The following KAZN variants were observed in gnomAD, a reference collection of about 807,000 sequenced individuals.
KAZN encodes kazrin.
A neutral mutation model predicts 87.4 loss-of-function variants in KAZN; 40 were observed. The observed-to-expected ratio is 0.46, with a 90% CI of 0.36 to 0.60. KAZN has a LOEUF of 0.60. Ranked by LOEUF, KAZN falls within the 20% of genes least tolerant of loss-of-function variation. The probability of loss-of-function intolerance (pLI) is 0.00; values close to 1 mark genes in which losing one functional copy is unlikely to be tolerated. For synonymous variants in KAZN, 466 were observed against 458.3 expected (o/e 1.02, Z -0.22); for missense variants, 898 against 1,073.9 (o/e 0.84, Z 2.29).
chr1:14,697,796 C>G (rs1164174958), intron 1 of KAZN, among the ~76,000 whole-genome samples: 6 of 152,250 alleles, frequency 3.9e-5, no homozygotes, highest in Non-Finnish European at 5.9e-5. Flanking sequence ...AGGGGCCTAG[C>G]CCCACTGCCC....
chr1:15,053,756 A>G lies in KAZN; in HGVS notation c.727-2335A>G, dbSNP rs12042274. On this transcript the variant is annotated intron_variant, in intron 4 of 14. Coordinates refer to ENST00000376030, the MANE Select transcript of KAZN (RefSeq NM_201628.3). ...GATAATCCCGAACTCCCTACCTGCAACCCAGCACTGTTGCACAGAGCGCGT... is the reference window on the plus strand; with the variant it reads ...GATAATCCCGAACTCCCTACCTGCAGCCCAGCACTGTTGCACAGAGCGCGT... Among the ~76,000 whole-genome samples, 652 of 152,308 alleles carry G rather than the reference A, an allele frequency of 4.3e-3. 3 individuals carry two copies. Among genetic ancestry groups the G allele is most frequent in the South Asian group, 0.042 (204 of 4,816 alleles).
Position 14,562,963 on chromosome 1 carries a change from C to T in KAZN, c.250-36020C>T, listed in dbSNP as rs189115094. Among the ~76,000 whole-genome samples the T allele has an allele frequency of 1.6e-3, 249 of 152,276 alleles. 1 individual carries two copies. The highest frequency in any genetic ancestry group is 2.1e-3 in the Non-Finnish European group (141 of 68,024). ...CTCCGAGGGGATTTGTGGAAGACAGCGTTGTGGATCATTTAAGAGGCCTTA... is the reference window on the plus strand; with the variant it reads ...CTCCGAGGGGATTTGTGGAAGACAGTGTTGTGGATCATTTAAGAGGCCTTA... On this transcript the variant is annotated intron_variant, in intron 2 of 16. Transcript: ENST00000636203.
intron 4 of KAZN, among the ~76,000 whole-genome samples, chr1:15,048,953 G>T (rs74059804): frequency 0.021 from 3,230 of 151,446 alleles, 120 homozygotes; most frequent in African/African-American, 0.076. Flanking sequence ...ACATTGTGCA[G>T]CCACCACTGC....
chr1:14,133,958 G>T (rs1645052066), intron 1 of KAZN, among the ~76,000 whole-genome samples: 1 of 152,156 alleles, frequency 6.6e-6, no homozygotes, highest in Non-Finnish European at 1.5e-5. Context: ...CATCATAGGG[G>T]ACGACACAGT....
chr1:14,369,153 T>G (rs1660262587), intron 2 of KAZN, among the ~76,000 whole-genome samples: 1 of 152,198 alleles, frequency 6.6e-6, no homozygotes, highest in Non-Finnish European at 1.5e-5. Flanking sequence ...GAGACACATT[T>G]CTAAATGCAA....
At chr1:14,094,596 G>A (rs1331498528) in intron 1 of KAZN, among the ~76,000 whole-genome samples, 1 of 152,052 alleles carries the variant, frequency 6.6e-6, no homozygotes, top group Non-Finnish European at 1.5e-5. Context: ...AAAATATATT[G>A]CAAATTTAAA....
At chr1:14,468,627 T>G (rs1411353157) in intron 2 of KAZN, among the ~76,000 whole-genome samples, 1 of 152,176 alleles carries the variant, frequency 6.6e-6, no homozygotes, top group South Asian at 2.1e-4. Context: ...GAAGAACACA[T>G]TTGCCCTGGG....
rs138811922 is a variant in KAZN, at chr1:13,935,252, G to GTAATAATAATAA, written c.91+41503_91+41514dup. Among the ~76,000 whole-genome samples the GTAATAATAATAA allele has an allele frequency of 5.5e-4, 81 of 147,084 alleles. 1 individual carries two copies. Among genetic ancestry groups the GTAATAATAATAA allele is most frequent in the African/African-American group, 1.1e-3 (45 of 40,050 alleles). ...AACTCCGTATCAAATAGTAGTAGTA[G>GTAATAATAATAA]TAATAATAATAATAATAAGCCTTCA... is the stretch of plus-strand genomic sequence containing the variant. On this transcript the variant is annotated intron_variant, in intron 1 of 16. Coordinates refer to the KAZN transcript ENST00000636203.
intron 1 of KAZN, among the ~76,000 whole-genome samples, chr1:14,043,514 G>A (rs575098676): frequency 8.6e-5 from 13 of 152,042 alleles, no homozygotes; most frequent in Middle Eastern, 3.4e-3. Context: ...AGGAACTGTC[G>A]TACTGTTTTC....
intron 1 of KAZN, among the ~76,000 whole-genome samples, chr1:14,905,137 C>A (rs2101311562): frequency 6.6e-6 from 1 of 152,256 alleles, no homozygotes; most frequent in African/African-American, 2.4e-5. Context: ...TGGCTCCCTG[C>A]AACCTCTGCC....
chr1:14,514,621 A>ATTTTTTTATATTT (rs1557770580), intron 2 of KAZN, among the ~76,000 whole-genome samples: 3 of 43,754 alleles, frequency 6.9e-5, no homozygotes, highest in South Asian at 8.8e-4. Context: ...ATATATATAT[A>ATTTTTTTATATTT]TATATATATA....
chr1:14,464,112 A>T (rs545497912), intron 2 of KAZN, among the ~76,000 whole-genome samples: 1 of 152,346 alleles, frequency 6.6e-6, no homozygotes, highest in East Asian at 1.9e-4. Flanking sequence ...GGGATCTTTC[A>T]GAACATTAAT....
At chr1:14,510,535 T>C (rs1450154102) in intron 2 of KAZN, among the ~76,000 whole-genome samples, 1 of 152,228 alleles carries the variant, frequency 6.6e-6, no homozygotes, top group Admixed American at 6.5e-5. Context: ...GTGTATCCTG[T>C]ACTTTTATTT....
At chr1:15,013,470 C>A (rs553827220) in intron 2 of KAZN, among the ~76,000 whole-genome samples, 1 of 151,998 alleles carries the variant, frequency 6.6e-6, no homozygotes, top group African/African-American at 2.4e-5. Flanking sequence ...ATGGTGGAAC[C>A]GGGCCAGGCA....
At chr1:14,372,031 T>C (rs1373160915) in intron 2 of KAZN, among the ~76,000 whole-genome samples, 1 of 152,248 alleles carries the variant, frequency 6.6e-6, no homozygotes, top group Non-Finnish European at 1.5e-5. Context: ...CGTCATCTCA[T>C]TTATGGATCT....
At chr1:14,154,116 G>A (rs1183095033) in intron 1 of KAZN, among the ~76,000 whole-genome samples, 2 of 152,094 alleles carry the variant, frequency 1.3e-5, no homozygotes, top group Non-Finnish European at 2.9e-5. Context: ...TAATAATATC[G>A]ATTCTTCCAA....
chr1:14,019,178 T>A (rs1481751252), intron 1 of KAZN, among the ~76,000 whole-genome samples: 1 of 152,232 alleles, frequency 6.6e-6, no homozygotes, highest in Non-Finnish European at 1.5e-5. Flanking sequence ...TGTAACATGA[T>A]TTGAAATCTA....
chr1:14,315,762 C>CT (rs1655610948), intron 2 of KAZN, among the ~76,000 whole-genome samples: 1 of 152,014 alleles, frequency 6.6e-6, no homozygotes, highest in Admixed American at 6.6e-5. Context: ...AATGTATTCC[C>CT]TTGAAAGTGT....
At chr1:14,439,106 A>G (rs1457032962) in intron 2 of KAZN, among the ~76,000 whole-genome samples, 1 of 152,170 alleles carries the variant, frequency 6.6e-6, no homozygotes, top group Non-Finnish European at 1.5e-5. Flanking sequence ...TATCACACAC[A>G]CAAAATATCC....
Sources: allele counts gnomAD v4.1 joint callset (sites outside exome capture counted in the v4.1 genomes callset), GRCh38; gene constraint gnomAD v4.1.1; transcripts MANE v1.5; gene names NCBI Gene and HGNC (gene_info 2026-07-23, HGNC 2026-07-21).